The following GRSF1 variants were observed in gnomAD, a reference collection of about 807,000 sequenced individuals.
The protein encoded by GRSF1 is G-rich RNA sequence binding factor 1.
A neutral mutation model predicts 51.1 loss-of-function variants in GRSF1; 50 were observed. That is an observed-to-expected ratio of 0.98 (90% CI 0.78 to 1.24). The LOEUF is 1.24. GRSF1 is among the 50% of genes most tolerant of loss of function. The probability of loss-of-function intolerance (pLI) is 0.00; values close to 1 mark genes in which losing one functional copy is unlikely to be tolerated. For synonymous variants in GRSF1, 293 were observed against 253.3 expected (o/e 1.16, Z -1.49); for missense variants, 700 against 639.7 (o/e 1.09, Z -1.02).
chr4:70,822,079 T>C (rs558520106), intron 9 of GRSF1, among the ~76,000 whole-genome samples: 2 of 149,860 alleles, frequency 1.3e-5, no homozygotes, highest in African/African-American at 4.9e-5. Flanking sequence ...CAATACCTTA[T>C]GGGAAAAAAA....
At chr4:70,821,641 G>A (rs1240545260) in intron 9 of GRSF1, among the ~76,000 whole-genome samples, 2 of 145,080 alleles carry the variant, frequency 1.4e-5, no homozygotes, top group Admixed American at 1.4e-4. Context: ...ATAGGATATA[G>A]TAATAGAATG....
intron 5 of GRSF1, among the ~76,000 whole-genome samples, chr4:70,830,317 T>A (rs765685000): frequency 6.2e-4 from 94 of 151,986 alleles, no homozygotes; most frequent in Non-Finnish European, 1.3e-4. Flanking sequence ...TGGCGGCACA[T>A]GCCTATTGTT....
intron 5 of GRSF1, among the ~76,000 whole-genome samples, chr4:70,829,084 T>C (rs886612228): frequency 3.3e-5 from 5 of 151,974 alleles, no homozygotes; most frequent in African/African-American, 9.7e-5. Flanking sequence ...AGACATGGGT[T>C]CTTGCCATGT....
chr4:70,817,633 G>A lies in GRSF1; in HGVS notation c.*3254C>T, dbSNP rs1289044690. On this transcript the variant is annotated 3_prime_UTR_variant, in exon 10 of 10. Coordinates refer to ENST00000254799, the MANE Select transcript of GRSF1 (RefSeq NM_002092.4). ...AGTGACATCACCAAATACTAATGAG[G>A]GTGAGGAGCTACAGGAACTCTTATT... 1 of 152,084 alleles carries A rather than the reference G, an allele frequency of 6.6e-6. No individual in the cohort carries two copies. Among genetic ancestry groups the A allele is most frequent in the Non-Finnish European group, 1.5e-5 (1 of 68,022 alleles). The allele number at this position is 152,084 out of a possible 1,614,324, so 9.4% of individuals were successfully genotyped here. A position where few individuals can be genotyped will look rare whatever the true frequency, so the allele number is the denominator to read the frequency against.
chr4:70,830,310 C>T (rs1483221174), intron 5 of GRSF1, among the ~76,000 whole-genome samples: 1 of 151,872 alleles, frequency 6.6e-6, no homozygotes, highest in African/African-American at 2.4e-5. Context: ...CCAGGTGTGG[C>T]GGCACATGCC....
intron 1 of GRSF1, 23 bp downstream of exon 1, chr4:70,839,448 G>A (rs1477527146): frequency 1.4e-6 from 2 of 1,468,844 alleles, no homozygotes; most frequent in Non-Finnish European, 1.8e-6. Context: ...TCTCGCGCCA[G>A]GTCCCTCACG....
In GRSF1 at chr4:70,839,105, G is replaced by T. The variant is rs1400045444; in HGVS notation, c.357+366C>A. ...CAACCCTCCGGCGGGCTCGGGCCTC[G>T]CAACTTCACAACCAGCCGGCGGAAA... On this transcript the variant is annotated intron_variant, in intron 1 of 9. Transcript: ENST00000254799. The T allele has an allele frequency of 1.2e-5, 15 of 1,290,628 alleles. No homozygotes were observed. In the East Asian group the frequency reaches 6.5e-4, roughly 56 times the overall value. The allele number at this position is 1,290,628 out of a possible 1,614,324, so 79.9% of individuals were successfully genotyped here.
chr4:70,839,325 A>C, intron 1 of GRSF1, 146 bp downstream of exon 1: 1 of 1,501,208 alleles, frequency 6.7e-7, no homozygotes, highest in Non-Finnish European at 8.9e-7. Flanking sequence ...ATAGGAGCAC[A>C]GGGTGGACGG....
chr4:70,835,405 GGC>G (rs1734160291), intron 2 of GRSF1, among the ~76,000 whole-genome samples: 1 of 148,474 alleles, frequency 6.7e-6, no homozygotes. Flanking sequence ...ACTCCAGCCT[GGC>G]GACAGAGCGA....
intron 2 of GRSF1, among the ~76,000 whole-genome samples, chr4:70,835,258 A>G (rs911694175): frequency 6.6e-6 from 1 of 151,048 alleles, no homozygotes; most frequent in Non-Finnish European, 1.5e-5. Context: ...CCTGGCTAAC[A>G]CGGTGAAACC....
chr4:70,838,212 C>A (rs1441705161), intron 1 of GRSF1, among the ~76,000 whole-genome samples: 1 of 71,406 alleles, frequency 1.4e-5, no homozygotes. Flanking sequence ...GAGCGAGACT[C>A]GGTCTCCAAA....
At position 70,827,923 on chromosome 4, in the gene GRSF1, A is replaced by G. The variant is rs570335508; in HGVS notation, c.1064T>C (p.Met355Thr). The change falls in exon 6 of 10, where the codon ATG becomes ACG. Residue 355 changes from methionine (M) to threonine (T), a missense_variant. Coordinates refer to ENST00000254799, the MANE Select transcript of GRSF1 (RefSeq NM_002092.4). ...ATTTACTTCATGTTCTTCAAAGACC[A>G]TTTCTGGCTCAGTTATATACTTAGC... ...PTAKYITEPEMVFEEHEVNED... is the reference protein window; with the variant it reads ...PTAKYITEPETVFEEHEVNED... The G allele has an allele frequency of 7.4e-6, 12 of 1,613,226 alleles. No individual in the cohort carries two copies. Among genetic ancestry groups the G allele is most frequent in the South Asian group, 2.2e-5 (2 of 90,960 alleles).
chr4:70,821,587 CAG>C (rs1055107898), intron 9 of GRSF1, among the ~76,000 whole-genome samples: 2 of 134,078 alleles, frequency 1.5e-5, no homozygotes, highest in Admixed American at 1.6e-4. Context: ...GCCTGGGCGA[CAG>C]AGAGAGACTC....
At chr4:70,837,563 CAA>C (rs11419852) in intron 1 of GRSF1, among the ~76,000 whole-genome samples, 1 of 89,100 alleles carries the variant, frequency 1.1e-5, no homozygotes, top group Non-Finnish European at 2.0e-5. Flanking sequence ...GACTCCGTCT[CAA>C]AAAAAAAAAA....
At chr4:70,833,710 G>A (rs983981270) in intron 2 of GRSF1, among the ~76,000 whole-genome samples, 3 of 151,980 alleles carry the variant, frequency 2.0e-5, no homozygotes, top group East Asian at 1.9e-4. Flanking sequence ...GTAGAGAGGC[G>A]GTCTCATTTT....
At chr4:70,823,351 C>G (rs534916322) in intron 9 of GRSF1, among the ~76,000 whole-genome samples, 19 of 151,660 alleles carry the variant, frequency 1.3e-4, no homozygotes, top group Admixed American at 1.1e-3. Flanking sequence ...GAGTGGAGAT[C>G]GAGCCATTGC....
chr4:70,821,607 CAA>C (rs756802771), intron 9 of GRSF1, among the ~76,000 whole-genome samples: 23 of 63,566 alleles, frequency 3.6e-4, no homozygotes, highest in Non-Finnish European at 3.7e-4. Flanking sequence ...CTCCGTCTCC[CAA>C]AAAAAAAAAA....
In GRSF1 at chr4:70,820,813, T is replaced by C. The variant is rs750020620; in HGVS notation, c.*74A>G. On this transcript the variant is annotated 3_prime_UTR_variant, in exon 10 of 10. Coordinates refer to ENST00000254799, the MANE Select transcript of GRSF1 (RefSeq NM_002092.4). ...TTGCTGCTAATAAACTGGAACTGTATATCCCAAGTCCAAGAAAGATGTGCA... is the reference window on the plus strand; with the variant it reads ...TTGCTGCTAATAAACTGGAACTGTACATCCCAAGTCCAAGAAAGATGTGCA... The C allele has an allele frequency of 1.3e-5, 2 of 152,650 alleles. No homozygotes were observed. Among genetic ancestry groups the C allele is most frequent in the Admixed American group, 1.3e-4 (2 of 15,278 alleles). The allele number at this position is 152,650 out of a possible 1,614,324, so 9.5% of individuals were successfully genotyped here.
rs545467655 is a variant in GRSF1 at position 70,824,200 on chromosome 4, C to T, written c.*25+94G>A. On this transcript the variant is annotated intron_variant, in intron 9 of 9. Transcript: ENST00000254799. ...TGGCCAGGCTGGCTTGAACTCCTGA[C>T]CTCAGGTGGTCCGCCCACCTTGGCC... The T allele has an allele frequency of 1.2e-4, 68 of 564,228 alleles. No homozygotes were observed. The African/African-American group carries it at 1.2e-3, about 10-fold the overall frequency. 35.0% of individuals were successfully genotyped at this position (564,228 alleles called of 1,614,324 possible).
Sources: allele counts gnomAD v4.1 joint callset (sites outside exome capture counted in the v4.1 genomes callset), GRCh38; gene constraint gnomAD v4.1.1; transcripts MANE v1.5; gene names NCBI Gene and HGNC (gene_info 2026-07-23, HGNC 2026-07-21).